The following DPYSL5 variants were observed in gnomAD, a reference collection of about 807,000 sequenced individuals.
DPYSL5 encodes dihydropyrimidinase-related protein 5.
A neutral mutation model predicts 58.4 loss-of-function variants in DPYSL5; 9 were observed. That is an observed-to-expected ratio of 0.15 (90% CI 0.09 to 0.27). The LOEUF (loss-of-function observed/expected upper bound fraction) is 0.27. DPYSL5 is among the 10% of genes least tolerant of loss of function. DPYSL5 has a pLI of 1.00. For synonymous variants in DPYSL5, 293 were observed against 301.9 expected, an observed-to-expected ratio of 0.97 and a Z score of 0.31; for missense variants, 499 against 770.6, an observed-to-expected ratio of 0.65 and a Z score of 4.17.
At chr2:26,868,422 G>A (rs1042719847) in intron 1 of DPYSL5, among the ~76,000 whole-genome samples, 1 of 152,020 alleles carries the variant, frequency 6.6e-6, no homozygotes, top group South Asian at 2.1e-4. Flanking sequence ...ACTCCTTGGT[G>A]GTACGCAGTC....
At chr2:26,928,172 ATTT>A (rs1664874025) in intron 4 of DPYSL5, 80 bp from the exon 5 acceptor site, 1 of 1,415,174 alleles carries the variant, frequency 7.1e-7, no homozygotes, top group Middle Eastern at 1.8e-4. Context: ...TGTCTAGCAT[ATTT>A]CACTGTCCCT....
intron 2 of DPYSL5, among the ~76,000 whole-genome samples, chr2:26,902,612 C>T (rs1664187179): frequency 6.6e-6 from 1 of 152,138 alleles, no homozygotes; most frequent in South Asian, 2.1e-4. Flanking sequence ...AAGCAAATTA[C>T]ATCAGAACTG....
At chr2:26,903,643 G>A (rs999678549) in intron 2 of DPYSL5, among the ~76,000 whole-genome samples, 7 of 151,988 alleles carry the variant, frequency 4.6e-5, no homozygotes, top group African/African-American at 1.5e-4. Context: ...GCTGACATCC[G>A]AATCCCCTGG....
chr2:26,922,758 G>T (rs1664734534), intron 2 of DPYSL5, among the ~76,000 whole-genome samples: 1 of 152,238 alleles, frequency 6.6e-6, no homozygotes, highest in African/African-American at 2.4e-5. Context: ...CTGCTGTGAG[G>T]ATGAATCAGC....
intron 2 of DPYSL5, among the ~76,000 whole-genome samples, chr2:26,910,082 T>C (rs1035410179): frequency 2.6e-5 from 4 of 152,252 alleles, no homozygotes; most frequent in African/African-American, 9.6e-5. Context: ...TTGCATTTTC[T>C]ACTATTTCTA....
At chr2:26,930,311 A>G (rs2148163197) in intron 5 of DPYSL5, among the ~76,000 whole-genome samples, 1 of 152,164 alleles carries the variant, frequency 6.6e-6, no homozygotes, top group South Asian at 2.1e-4. Flanking sequence ...TGGTCGTAAT[A>G]CCAATAATTA....
chr2:26,935,691 C>CAAAAA (rs60367850), intron 8 of DPYSL5, among the ~76,000 whole-genome samples: 3 of 122,674 alleles, frequency 2.4e-5, no homozygotes, highest in Admixed American at 8.5e-5. Flanking sequence ...GACTCCATCT[C>CAAAAA]AAAAAAAAAA....
intron 2 of DPYSL5, among the ~76,000 whole-genome samples, chr2:26,899,680 G>T (rs1558337547): frequency 1.3e-5 from 2 of 152,144 alleles, no homozygotes; most frequent in Admixed American, 6.5e-5. Context: ...TTGAGGACAG[G>T]CCCCCTTCCC....
At chr2:26,943,138 G>C (rs746695585) in intron 11 of DPYSL5, among the ~76,000 whole-genome samples, 2 of 151,998 alleles carry the variant, frequency 1.3e-5, no homozygotes, top group African/African-American at 2.4e-5. Context: ...TGAAGCAAGC[G>C]GGGGGTAGAG....
chr2:26,872,781 C>T (rs1663299721), intron 1 of DPYSL5, among the ~76,000 whole-genome samples: 2 of 136,686 alleles, frequency 1.5e-5, no homozygotes, highest in Non-Finnish European at 1.7e-5. Context: ...TGCACTCCAG[C>T]CTGGGCAACA....
At chr2:26,868,976 G>T (rs1663185278) in intron 1 of DPYSL5, among the ~76,000 whole-genome samples, 1 of 151,984 alleles carries the variant, frequency 6.6e-6, no homozygotes, top group African/African-American at 2.4e-5. Flanking sequence ...TTCTTGGTTT[G>T]TTTTTTGAGA....
chr2:26,930,373 G>A (rs1664939739), intron 5 of DPYSL5, among the ~76,000 whole-genome samples: 1 of 152,236 alleles, frequency 6.6e-6, no homozygotes, highest in East Asian at 1.9e-4. Context: ...GTCTATGCCA[G>A]GGGAGATGTT....
In DPYSL5 at chr2:26,931,203, G is replaced by GTGTGTGTGTGTA. The variant is rs1474347605; in HGVS notation, c.670-436_670-435insGTGTGTGTGTAT. ...TGTGTGTGTGTGTGTGTGTGTGTGT[G>GTGTGTGTGTGTA]TATATATATATATATATATATATAT... On this transcript the variant is annotated intron_variant, in intron 5 of 12. Coordinates refer to ENST00000288699, the MANE Select transcript of DPYSL5 (RefSeq NM_020134.4). Among the ~76,000 whole-genome samples, 82 of 44,920 alleles carry GTGTGTGTGTGTA rather than the reference G, an allele frequency of 1.8e-3. 1 individual carries two copies. Among genetic ancestry groups the GTGTGTGTGTGTA allele is most frequent in the Non-Finnish European group, 2.3e-3 (54 of 23,460 alleles). The allele number at this position is 44,920 out of a possible 152,430, so 29.5% of individuals were successfully genotyped here.
chr2:26,862,205 G>A (rs1358702066), intron 1 of DPYSL5, among the ~76,000 whole-genome samples: 1 of 152,214 alleles, frequency 6.6e-6, no homozygotes. Context: ...GTTGTTTTAA[G>A]CCACTAAATT....
At chr2:26,899,023 A>G (rs969151500) in intron 2 of DPYSL5, among the ~76,000 whole-genome samples, 9 of 152,208 alleles carry the variant, frequency 5.9e-5, no homozygotes, top group Admixed American at 1.3e-4. Flanking sequence ...AACTGATTTT[A>G]TTTGTATATC....
chr2:26,944,615 G>A lies in DPYSL5; in HGVS notation c.1441-41G>A. On this transcript the variant is annotated intron_variant, in intron 11 of 12. Coordinates refer to ENST00000288699, the MANE Select transcript of DPYSL5 (RefSeq NM_020134.4). The surrounding 1 kb of genome is among the most constrained non-coding windows in gnomAD (Gnocchi z 4.4). ...ATGGTTGTATCACTCAGCTCTGATGGTGTTGTCCTGTTCTTCTGCTCTTCT... is the reference window on the plus strand; with the variant it reads ...ATGGTTGTATCACTCAGCTCTGATGATGTTGTCCTGTTCTTCTGCTCTTCT... The A allele has an allele frequency of 6.2e-7, 1 of 1,602,580 alleles. No individual in the cohort carries two copies. Among genetic ancestry groups the A allele is most frequent in the East Asian group, 2.2e-5 (1 of 44,812 alleles).
intron 9 of DPYSL5, among the ~76,000 whole-genome samples, chr2:26,940,629 T>C (rs751597876): frequency 6.6e-6 from 1 of 151,858 alleles, no homozygotes; most frequent in African/African-American, 2.4e-5. Context: ...CACCCAGCTA[T>C]ACATTATTTT....
At chr2:26,919,883 C>T (rs1664661598) in intron 2 of DPYSL5, among the ~76,000 whole-genome samples, 1 of 152,048 alleles carries the variant, frequency 6.6e-6, no homozygotes, top group Non-Finnish European at 1.5e-5. Context: ...TGCATTCATA[C>T]ATGGAGGCAT....
chr2:26,871,992 G>C (rs1213933931), intron 1 of DPYSL5, among the ~76,000 whole-genome samples: 3 of 152,168 alleles, frequency 2.0e-5, no homozygotes, highest in Admixed American at 1.3e-4. Flanking sequence ...TAAGTATGAA[G>C]TATTAGAAGA....
Sources: allele counts gnomAD v4.1 joint callset (sites outside exome capture counted in the v4.1 genomes callset), GRCh38; gene constraint gnomAD v4.1.1; non-coding constraint Gnocchi (gnomAD v3.1); transcripts MANE v1.5; gene names NCBI Gene and HGNC (gene_info 2026-07-23, HGNC 2026-07-21).